Variants in AOPEP observed in about 807,000 individuals in gnomAD.
AOPEP encodes the protein aminopeptidase O.
AOPEP carries 77 observed loss-of-function variants against 98.1 expected under a neutral mutation model. The observed-to-expected ratio is 0.78, with a 90% CI of 0.65 to 0.95. The LOEUF (loss-of-function observed/expected upper bound fraction) is 0.95. Among genes scored for constraint, AOPEP ranks in the 40% least tolerant of loss-of-function variants. The pLI, the probability that AOPEP is intolerant of heterozygous loss-of-function variation, is 0.00. For synonymous variants in AOPEP, 346 were observed against 365.3 expected (o/e 0.95, Z 0.60); for missense variants, 1,024 against 1,024.7 (o/e 1.00, Z 0.01).
chr9:94,862,395 G>A (rs1345592310), intron 5 of AOPEP, among the ~76,000 whole-genome samples: 1 of 152,040 alleles, frequency 6.6e-6, no homozygotes, highest in Non-Finnish European at 1.5e-5. Context: ...GAATGGGGAG[G>A]TAAATCATCC....
intron 12 of AOPEP, 148 bp from the exon 13 acceptor site, chr9:95,005,394 C>A: frequency 3.4e-6 from 3 of 892,438 alleles, no homozygotes; most frequent in Non-Finnish European, 5.2e-6. Flanking sequence ...GTGAGGCGCC[C>A]GGCGAGTTCC....
chr9:94,756,845 A>T (rs975543799), intron 1 of AOPEP, among the ~76,000 whole-genome samples: 1 of 151,718 alleles, frequency 6.6e-6, no homozygotes, highest in African/African-American at 2.4e-5. Flanking sequence ...GAGGGAGGCT[A>T]CCCCCCGTTC....
chr9:95,147,855 T>TA, the AOPEP span, among the ~76,000 whole-genome samples: 1 of 152,222 alleles, frequency 6.6e-6, no homozygotes. Context: ...TCTCTGGACT[T>TA]ACTGTATTGC....
At chr9:94,740,801 C>G (rs748771410) in intron 1 of AOPEP, among the ~76,000 whole-genome samples, 38 of 152,176 alleles carry the variant, frequency 2.5e-4, no homozygotes, top group Non-Finnish European at 5.0e-4. Flanking sequence ...TAACCTTAAG[C>G]AAGCTGGAAA....
At chr9:94,975,305 G>T (rs899123315) in intron 10 of AOPEP, among the ~76,000 whole-genome samples, 4 of 152,130 alleles carry the variant, frequency 2.6e-5, no homozygotes, top group Non-Finnish European at 5.9e-5. Flanking sequence ...AAGTATAGAT[G>T]ATACTCTGTC....
At chr9:95,109,337 A>T in the AOPEP span, among the ~76,000 whole-genome samples, 1 of 152,204 alleles carries the variant, frequency 6.6e-6, no homozygotes, top group Non-Finnish European at 1.5e-5. Flanking sequence ...ATTTATGAAC[A>T]ATGCTGTGCT....
At chr9:94,947,432 C>A (rs1240132278) in intron 7 of AOPEP, among the ~76,000 whole-genome samples, 1 of 152,128 alleles carries the variant, frequency 6.6e-6, no homozygotes, top group African/African-American at 2.4e-5. Context: ...CGAGCACTAC[C>A]ACATCTCGCT....
the AOPEP span, chr9:95,110,291 A>C: frequency 9.9e-7 from 1 of 1,013,246 alleles, no homozygotes. Context: ...TAACCTTTTG[A>C]CTGTGATGGA....
intron 7 of AOPEP, among the ~76,000 whole-genome samples, chr9:94,933,838 C>T (rs534711486): frequency 6.6e-6 from 1 of 151,972 alleles, no homozygotes; most frequent in East Asian, 1.9e-4. Context: ...AGCTCCGCCT[C>T]CCATGTTCAC....
intron 5 of AOPEP, among the ~76,000 whole-genome samples, chr9:94,823,298 T>A (rs1163649121): frequency 6.6e-6 from 1 of 152,208 alleles, no homozygotes; most frequent in East Asian, 1.9e-4. Context: ...GCCTGGCTTA[T>A]ATGAAATGCT....
intron 5 of AOPEP, among the ~76,000 whole-genome samples, chr9:94,854,501 C>T (rs1006341750): frequency 1.3e-5 from 2 of 152,060 alleles, no homozygotes; most frequent in Non-Finnish European, 2.9e-5. Context: ...GGGCAGAGAC[C>T]ATCTTCTGGT....
intron 13 of AOPEP, among the ~76,000 whole-genome samples, chr9:95,045,352 G>T (rs1003724541): frequency 6.6e-6 from 1 of 152,234 alleles, no homozygotes; most frequent in Admixed American, 6.5e-5. Flanking sequence ...CCCTGCACCC[G>T]GCGGGCCTCC....
chr9:94,838,953 C>T (rs543930228), intron 5 of AOPEP, among the ~76,000 whole-genome samples: 12 of 141,830 alleles, frequency 8.5e-5, no homozygotes, highest in Non-Finnish European at 1.7e-4. Flanking sequence ...CACTCTGTGC[C>T]AGGCTGGAGT....
At chr9:95,121,555 T>G in the AOPEP span, among the ~76,000 whole-genome samples, 1 of 152,220 alleles carries the variant, frequency 6.6e-6, no homozygotes, top group African/African-American at 2.4e-5. Flanking sequence ...CAACATTGTT[T>G]GTAATAAAAA....
At chr9:94,772,901 T>A (rs1388029693) in intron 2 of AOPEP, 101 bp from the exon 3 acceptor site, 86 of 1,182,010 alleles carry the variant, frequency 7.3e-5, no homozygotes, top group Non-Finnish European at 9.8e-5. Context: ...TCAAATGTTT[T>A]CTTTGAAAGC....
intron 7 of AOPEP, among the ~76,000 whole-genome samples, chr9:94,949,390 G>A (rs948451438): frequency 6.6e-5 from 10 of 152,164 alleles, no homozygotes; most frequent in African/African-American, 9.7e-5. Flanking sequence ...GACCCGGGAC[G>A]CTGAGACTTC....
intron 14 of AOPEP, among the ~76,000 whole-genome samples, chr9:95,072,845 A>G (rs2068647966): frequency 6.6e-6 from 1 of 152,184 alleles, no homozygotes; most frequent in African/African-American, 2.4e-5. Context: ...CCTTCTAGGC[A>G]TGTGCCATTT....
intron 11 of AOPEP, chr9:95,004,378 A>C (rs2061770819): frequency 2.3e-6 from 1 of 432,138 alleles, no homozygotes; most frequent in South Asian, 1.6e-5. Context: ...CGGCAGTCTG[A>C]GGGCTGCGGG....
chr9:95,084,806 A>G (rs2070401966), intron 16 of AOPEP, among the ~76,000 whole-genome samples: 1 of 151,838 alleles, frequency 6.6e-6, no homozygotes, highest in South Asian at 2.1e-4. Context: ...CGTGAGGAAC[A>G]GTGGCCGGGA....
Sources: allele counts gnomAD v4.1 joint callset (sites outside exome capture counted in the v4.1 genomes callset), GRCh38; gene constraint gnomAD v4.1.1; transcripts MANE v1.5; gene names NCBI Gene and HGNC (gene_info 2026-07-23, HGNC 2026-07-21).